The following CDH13 variants were observed in gnomAD, a reference collection of about 807,000 sequenced individuals.
CDH13 encodes the protein cadherin-13.
A neutral mutation model predicts 63.8 loss-of-function variants in CDH13; 24 were observed. The observed-to-expected ratio is 0.38, with a 90% CI of 0.27 to 0.53. CDH13 has a LOEUF of 0.53. Ranked by LOEUF, CDH13 falls within the 20% of genes least tolerant of loss-of-function variation. The probability of loss-of-function intolerance (pLI) is 0.85; values close to 1 mark genes in which losing one functional copy is unlikely to be tolerated. For missense variants in CDH13, 1,049 were observed against 903.1 expected, an observed-to-expected ratio of 1.16 and a Z score of -2.07; for synonymous variants, 503 against 355.3, an observed-to-expected ratio of 1.42 and a Z score of -4.67.
At chr16:83,440,784 C>CCAAA (rs2072458128) in intron 6 of CDH13, among the ~76,000 whole-genome samples, 1 of 123,590 alleles carries the variant, frequency 8.1e-6, no homozygotes, top group Non-Finnish European at 1.7e-5. Flanking sequence ...GACTTCATCT[C>CCAAA]AAAAAAAAAA....
intron 5 of CDH13, among the ~76,000 whole-genome samples, chr16:83,314,090 T>C (rs1321850464): frequency 1.3e-5 from 2 of 152,230 alleles, no homozygotes; most frequent in Non-Finnish European, 2.9e-5. Context: ...TGAAGAGCTG[T>C]TGTCTAGCAT....
intron 3 of CDH13, among the ~76,000 whole-genome samples, chr16:83,054,471 G>C (rs569830718): frequency 1.6e-4 from 24 of 152,286 alleles, no homozygotes; most frequent in African/African-American, 5.3e-4. Flanking sequence ...TAATGGGATA[G>C]TATGTACAGT....
At chr16:83,284,163 G>C (rs1416968999) in intron 5 of CDH13, among the ~76,000 whole-genome samples, 3 of 152,170 alleles carry the variant, frequency 2.0e-5, no homozygotes, top group Non-Finnish European at 4.4e-5. Context: ...CATTCATGAA[G>C]TTGTTAGTTC....
chr16:83,376,646 G>C (rs116389273), intron 6 of CDH13, among the ~76,000 whole-genome samples: 2,876 of 152,200 alleles, frequency 0.019, 90 homozygotes, highest in African/African-American at 0.066. Flanking sequence ...AGGTGGTTGT[G>C]GTAGAGATGG....
intron 5 of CDH13, among the ~76,000 whole-genome samples, chr16:83,277,254 T>A (rs1431696788): frequency 6.6e-6 from 1 of 152,168 alleles, no homozygotes; most frequent in South Asian, 2.1e-4. Flanking sequence ...GGATGGAAAG[T>A]CATCTACAAA....
At chr16:83,582,834 C>G (rs1002750369) in intron 7 of CDH13, among the ~76,000 whole-genome samples, 1 of 152,220 alleles carries the variant, frequency 6.6e-6, no homozygotes, top group Non-Finnish European at 1.5e-5. Context: ...CCCAGTTGGA[C>G]TTTCAGCCTG....
intron 7 of CDH13, among the ~76,000 whole-genome samples, chr16:83,522,825 G>T (rs1260677759): frequency 6.6e-6 from 1 of 152,174 alleles, no homozygotes; most frequent in African/African-American, 2.4e-5. Context: ...CCACCTATAG[G>T]TTCAATTCCC....
At chr16:82,937,647 G>A (rs1228743420) in intron 2 of CDH13, among the ~76,000 whole-genome samples, 2 of 152,150 alleles carry the variant, frequency 1.3e-5, no homozygotes, top group African/African-American at 4.8e-5. Flanking sequence ...GCAAACAGAA[G>A]GTTACCTGTT....
At chr16:82,862,618 C>T (rs1005663291) in intron 2 of CDH13, among the ~76,000 whole-genome samples, 2 of 152,158 alleles carry the variant, frequency 1.3e-5, no homozygotes, top group African/African-American at 4.8e-5. Context: ...CACCCACATG[C>T]AAACATAGAC....
intron 2 of CDH13, chr16:82,990,215 A>C (rs528594287): frequency 6.6e-6 from 1 of 152,182 alleles, no homozygotes; most frequent in Non-Finnish European, 1.5e-5. Flanking sequence ...TTCAAAGTTC[A>C]TCTTTGAAAT....
At chr16:83,493,083 C>T (rs1468179478) in intron 7 of CDH13, among the ~76,000 whole-genome samples, 1 of 152,120 alleles carries the variant, frequency 6.6e-6, no homozygotes, top group East Asian at 1.9e-4. Flanking sequence ...ATTTCTTCAT[C>T]TGCCACAGTG....
chr16:82,724,584 G>A (rs1467820423), intron 1 of CDH13, among the ~76,000 whole-genome samples: 1 of 152,156 alleles, frequency 6.6e-6, no homozygotes, highest in Non-Finnish European at 1.5e-5. Context: ...ATGTCTGATG[G>A]AGGCATCCCC....
At chr16:82,839,123 C>T (rs2038897755) in intron 1 of CDH13, among the ~76,000 whole-genome samples, 1 of 152,114 alleles carries the variant, frequency 6.6e-6, no homozygotes. Context: ...AATGGTTTAG[C>T]CAGTGGAGGA....
chr16:83,457,896 C>T (rs1385622906), intron 6 of CDH13, among the ~76,000 whole-genome samples: 7 of 152,196 alleles, frequency 4.6e-5, no homozygotes, highest in African/African-American at 1.7e-4. Context: ...AAAAGCTCCC[C>T]AGGGAATTTT....
chr16:83,447,488 G>T (rs955580071), intron 6 of CDH13, among the ~76,000 whole-genome samples: 1 of 152,068 alleles, frequency 6.6e-6, no homozygotes, highest in African/African-American at 2.4e-5. Context: ...TGGAAAGCCC[G>T]CCAGTTAGAC....
chr16:83,520,406 C>G (rs970075606), intron 7 of CDH13, among the ~76,000 whole-genome samples: 3 of 152,092 alleles, frequency 2.0e-5, no homozygotes, highest in African/African-American at 7.2e-5. Context: ...CTGCTGGAGA[C>G]TGGGAATGTT....
At chr16:82,858,600 C>G (rs1216248557) in intron 2 of CDH13, 127 bp downstream of exon 2, 20 of 745,124 alleles carry the variant, frequency 2.7e-5, no homozygotes, top group Admixed American at 4.0e-5. Context: ...TCTTATGTCA[C>G]TGCTTGACCC....
intron 6 of CDH13, among the ~76,000 whole-genome samples, chr16:83,353,236 C>G (rs1032968556): frequency 6.6e-6 from 1 of 152,232 alleles, no homozygotes; most frequent in African/African-American, 2.4e-5. Flanking sequence ...AAAAAAGAAA[C>G]TGAATCTTTG....
At chr16:83,260,687 T>C (rs573701521) in intron 5 of CDH13, among the ~76,000 whole-genome samples, 1 of 152,174 alleles carries the variant, frequency 6.6e-6, no homozygotes, top group African/African-American at 2.4e-5. Context: ...AGTTGGAACC[T>C]TGTGTTTCCT....
Sources: gnomAD v4.1 joint callset for allele counts (sites outside exome capture counted in the v4.1 genomes callset) on GRCh38, gnomAD v4.1.1 for gene constraint, MANE v1.5 for transcripts, NCBI Gene and HGNC (gene_info 2026-07-23, HGNC 2026-07-21) for gene names.